Variants in DSCAML1 observed in about 807,000 individuals in gnomAD.
DSCAML1 encodes the protein DS cell adhesion molecule like 1, also known as cell adhesion molecule DSCAML1.
DSCAML1 carries 38 observed loss-of-function variants against 200.5 expected under a neutral mutation model. The observed-to-expected ratio is 0.19, with a 90% CI of 0.15 to 0.25. The LOEUF is 0.25. Ranked by LOEUF, DSCAML1 falls within the 10% of genes least tolerant of loss-of-function variation. The pLI is 1.00. For missense variants in DSCAML1, 2,223 were observed against 2,858.8 expected (o/e 0.78, Z 5.07); for synonymous variants, 1,215 against 1,165.0 (o/e 1.04, Z -0.87).
chr11:117,444,020 G>C lies in DSCAML1; in HGVS notation c.3728C>G (p.Thr1243Arg), dbSNP rs780348395. Reference sequence around the variant, plus strand: ...CCGGTAGAAGAGCTGCTCTGGACTCGTCTCGTACTCGCTGGGAGCCTGCGG... The same window carrying C: ...CCGGTAGAAGAGCTGCTCTGGACTCCTCTCGTACTCGCTGGGAGCCTGCGG... ...SGQPAPSEYE[T>R]SPEQLFYRIA... Residue 1243 changes from threonine to arginine, a missense_variant, in exon 21 of 33, where the codon ACG becomes AGG. By Grantham distance (71) the Thr-to-Arg change is moderately conservative (BLOSUM62 -1). Coordinates refer to ENST00000651296, the MANE Select transcript of DSCAML1 (RefSeq NM_020693.4). 3 of 1,612,834 alleles carry C rather than the reference G, an allele frequency of 1.9e-6. No homozygotes were observed. The highest frequency in any genetic ancestry group is 1.7e-5 in the Admixed American group (1 of 59,968).
intron 3 of DSCAML1, among the ~76,000 whole-genome samples, chr11:117,673,906 T>C (rs1483742570): frequency 6.6e-6 from 1 of 152,246 alleles, no homozygotes; most frequent in African/African-American, 2.4e-5. Flanking sequence ...TCTCCTTATT[T>C]CTGTGCACAC....
chr11:117,625,145 C>T (rs1486740965), intron 3 of DSCAML1, among the ~76,000 whole-genome samples: 1 of 151,932 alleles, frequency 6.6e-6, no homozygotes, highest in East Asian at 1.9e-4. Flanking sequence ...TCTACCTCTC[C>T]CACCCCAGAC....
Position 117,437,792 on chromosome 11 carries a change from C to T in DSCAML1, c.4432+103G>A. 7.8e-7 allele frequency: 1 copy of T among 1,288,874 alleles called. No homozygotes were observed. Among genetic ancestry groups the T allele is most frequent in the South Asian group, 1.5e-5 (1 of 64,904 alleles). The allele number at this position is 1,288,874 out of a possible 1,614,324, so 79.8% of individuals were successfully genotyped here. ...TTCAGTCTCCCTGCATCCCTGGACC[C>T]CTCCTTCCCCACCCCAGCCACCTTA... On this transcript the variant is annotated intron_variant, in intron 25 of 32. Transcript: ENST00000651296. This position sits in a 1 kb window ranked among gnomAD's most constrained non-coding sequence, Gnocchi z 5.3.
intron 1 of DSCAML1, among the ~76,000 whole-genome samples, chr11:117,807,063 C>T (rs1031104027): frequency 2.0e-5 from 3 of 152,206 alleles, no homozygotes; most frequent in South Asian, 4.1e-4. Flanking sequence ...GTTCCTTGGC[C>T]GGGGCACCCG....
intron 3 of DSCAML1, among the ~76,000 whole-genome samples, chr11:117,548,126 G>A (rs1313512433): frequency 1.3e-5 from 2 of 152,176 alleles, no homozygotes; most frequent in Non-Finnish European, 2.9e-5. Flanking sequence ...GGATCCCAGC[G>A]GCCGCTGTCG....
intron 19 of DSCAML1, among the ~76,000 whole-genome samples, chr11:117,458,380 C>T (rs780760260): frequency 8.5e-5 from 13 of 152,148 alleles, no homozygotes; most frequent in South Asian, 2.1e-4. Flanking sequence ...ATGTACTGAG[C>T]GATGCTCCTG....
chr11:117,443,032 G>C (rs1341113513), intron 21 of DSCAML1, among the ~76,000 whole-genome samples: 1 of 152,196 alleles, frequency 6.6e-6, no homozygotes, highest in Non-Finnish European at 1.5e-5. Context: ...CTTGTGTTTG[G>C]GCCAAGAGAA....
At chr11:117,535,885 G>C (rs1381049531) in intron 3 of DSCAML1, among the ~76,000 whole-genome samples, 3 of 117,986 alleles carry the variant, frequency 2.5e-5, no homozygotes, top group Non-Finnish European at 4.9e-5. Context: ...GCCCTACGAG[G>C]ATTTTAAACT....
chr11:117,798,497 G>A (rs1455754629), upstream of DSCAML1, among the ~76,000 whole-genome samples: 2 of 152,144 alleles, frequency 1.3e-5, no homozygotes, highest in Admixed American at 6.5e-5. Flanking sequence ...CATTTGAAGT[G>A]TACTATTCTG....
At chr11:117,796,611 T>C (rs2055581303) in intron 1 of DSCAML1, among the ~76,000 whole-genome samples, 1 of 151,960 alleles carries the variant, frequency 6.6e-6, no homozygotes, top group Admixed American at 6.5e-5. Flanking sequence ...AGCCGCCGAG[T>C]CCGAGGCCTG....
chr11:117,627,392 A>T (rs1383560535), intron 3 of DSCAML1, among the ~76,000 whole-genome samples: 1 of 152,166 alleles, frequency 6.6e-6, no homozygotes, highest in African/African-American at 2.4e-5. Context: ...GGTCTTGGGC[A>T]CAGGGGCTGG....
intron 3 of DSCAML1, among the ~76,000 whole-genome samples, chr11:117,722,382 G>C (rs7937973): frequency 6.6e-6 from 1 of 152,034 alleles, no homozygotes; most frequent in Admixed American, 6.5e-5. Context: ...GAAAGATAAG[G>C]GGGAGGGGAG....
chr11:117,579,832 C>T (rs1327782494), intron 3 of DSCAML1, among the ~76,000 whole-genome samples: 1 of 152,130 alleles, frequency 6.6e-6, no homozygotes, highest in South Asian at 2.1e-4. Flanking sequence ...AAGTTCCCTT[C>T]TAGTTCTAGA....
rs144451788 is a variant in DSCAML1, at chr11:117,582,575, G to A, written c.512-50053C>T. ...TAAGGATGCCTGGGTAAGCATGGGG[G>A]AGAAAGAGAGAGAGTTACTCATGCT... is the stretch of plus-strand genomic sequence containing the variant. On this transcript the variant is annotated intron_variant, in intron 3 of 32. Coordinates refer to ENST00000651296, the MANE Select transcript of DSCAML1 (RefSeq NM_020693.4). 9.5e-3 allele frequency among the ~76,000 whole-genome samples: 1,448 copies of A among 152,326 alleles called. 15 individuals carry two copies. Among genetic ancestry groups the A allele is most frequent in the African/African-American group, 0.033 (1,392 of 41,570 alleles).
intron 1 of DSCAML1, among the ~76,000 whole-genome samples, chr11:117,803,788 A>G (rs1470321228): frequency 6.6e-6 from 1 of 152,172 alleles, no homozygotes; most frequent in Admixed American, 6.5e-5. Flanking sequence ...CCCCTTGGAG[A>G]GATTTTCCTC....
intron 3 of DSCAML1, among the ~76,000 whole-genome samples, chr11:117,636,778 G>A (rs1384717942): frequency 6.6e-6 from 1 of 152,148 alleles, no homozygotes; most frequent in Non-Finnish European, 1.5e-5. Context: ...TTTGTAAACT[G>A]TGAATTTTAC....
intron 4 of DSCAML1, among the ~76,000 whole-genome samples, chr11:117,530,178 C>T (rs906039476): frequency 3.3e-5 from 5 of 152,114 alleles, no homozygotes; most frequent in African/African-American, 9.7e-5. Context: ...CTCCCGGAAG[C>T]TGGTGGTGAA....
chr11:117,758,734 T>C (rs959339462), intron 3 of DSCAML1, among the ~76,000 whole-genome samples: 2 of 152,100 alleles, frequency 1.3e-5, no homozygotes, highest in African/African-American at 4.8e-5. Context: ...TTTGGTTATC[T>C]CTTAAGGATA....
intron 3 of DSCAML1, among the ~76,000 whole-genome samples, chr11:117,594,653 C>T (rs572569618): frequency 6.6e-6 from 1 of 152,318 alleles, no homozygotes; most frequent in East Asian, 1.9e-4. Context: ...CTGCAGCAGC[C>T]CCTGCTCCTC....
Sources: gnomAD v4.1 joint callset for allele counts (sites outside exome capture counted in the v4.1 genomes callset) on GRCh38, gnomAD v4.1.1 for gene constraint, Gnocchi (gnomAD v3.1) non-coding constraint, MANE v1.5 for transcripts, NCBI Gene and HGNC (gene_info 2026-07-23, HGNC 2026-07-21) for gene names.